NEK11: variants seen among roughly 807,000 people sequenced by gnomAD.
NEK11 encodes the protein serine/threonine-protein kinase Nek11.
A neutral mutation model predicts 80.7 loss-of-function variants in NEK11; 72 were observed. The observed-to-expected ratio is 0.89, with a 90% CI of 0.74 to 1.08. The LOEUF is 1.08. Ranked by LOEUF, NEK11 falls within the 50% of genes least tolerant of loss-of-function variation. The probability of loss-of-function intolerance (pLI) is 0.00; values close to 1 mark genes in which losing one functional copy is unlikely to be tolerated. For missense variants in NEK11, 764 were observed against 763.6 expected, an observed-to-expected ratio of 1.00 and a Z score of -0.01; for synonymous variants, 251 against 260.7, an observed-to-expected ratio of 0.96 and a Z score of 0.36.
chr3:131,325,513 C>T (rs1005727331), intron 17 of NEK11: 4 of 151,980 alleles, frequency 2.6e-5, no homozygotes, highest in Non-Finnish European at 4.4e-5. Context: ...TGTTTTATTT[C>T]TTAAACTGGG....
intron 4 of NEK11, among the ~76,000 whole-genome samples, chr3:131,083,222 T>G (rs1426240113): frequency 3.3e-5 from 5 of 152,252 alleles, no homozygotes; most frequent in Non-Finnish European, 2.9e-5. Context: ...CTGAATTACA[T>G]TCTTAGAAGG....
intron 4 of NEK11, among the ~76,000 whole-genome samples, chr3:131,108,495 T>C (rs1265572064): frequency 6.6e-6 from 1 of 152,150 alleles, no homozygotes; most frequent in Non-Finnish European, 1.5e-5. Context: ...TCAAATTATC[T>C]CTAAGTTTTC....
intron 15 of NEK11, among the ~76,000 whole-genome samples, chr3:131,238,926 T>A (rs2095478363): frequency 6.6e-6 from 1 of 152,110 alleles, no homozygotes; most frequent in Non-Finnish European, 1.5e-5. Context: ...ATAAAAATAA[T>A]GCATCATTAA....
At chr3:131,083,685 G>T (rs1382363319) in intron 4 of NEK11, among the ~76,000 whole-genome samples, 1 of 152,090 alleles carries the variant, frequency 6.6e-6, no homozygotes, top group Non-Finnish European at 1.5e-5. Context: ...TTAATTTGGG[G>T]CCTTTCAAGA....
At chr3:131,183,406 G>A (rs2093454492) in intron 14 of NEK11, among the ~76,000 whole-genome samples, 1 of 152,144 alleles carries the variant, frequency 6.6e-6, no homozygotes, top group South Asian at 2.1e-4. Context: ...AACCCCATAT[G>A]CATTAGCTAT....
chr3:131,240,353 T>C (rs905483398), intron 15 of NEK11, among the ~76,000 whole-genome samples: 2 of 152,174 alleles, frequency 1.3e-5, no homozygotes, highest in Admixed American at 6.6e-5. Context: ...CCTTTTTCAC[T>C]GGAGTTGGCT....
intron 5 of NEK11, 81 bp downstream of exon 5, chr3:131,110,002 A>G: frequency 2.8e-6 from 4 of 1,437,324 alleles, no homozygotes; most frequent in South Asian, 1.4e-5. Flanking sequence ...TTTTTTCTAT[A>G]ATTGAAAGAA....
intron 4 of NEK11, among the ~76,000 whole-genome samples, chr3:131,085,302 A>G (rs1329551723): frequency 6.6e-6 from 1 of 152,258 alleles, no homozygotes; most frequent in Non-Finnish European, 1.5e-5. Context: ...CTTGAAGTTC[A>G]CAATGGCAAT....
At chr3:131,292,953 C>A (rs1047327123) in intron 17 of NEK11, among the ~76,000 whole-genome samples, 2 of 152,164 alleles carry the variant, frequency 1.3e-5, no homozygotes, top group African/African-American at 4.8e-5. Flanking sequence ...ATCCTGCAAC[C>A]TAGCTAGAAT....
chr3:131,124,019 G>T (rs2149492842), intron 5 of NEK11, among the ~76,000 whole-genome samples: 1 of 152,276 alleles, frequency 6.6e-6, no homozygotes, highest in Non-Finnish European at 1.5e-5. Context: ...TTCTCAGTGT[G>T]TTTGGCTTTT....
rs541654290 is a variant in NEK11 at position 131,058,478 on chromosome 3, C to T, written c.171-21945C>T. 1.2e-4 allele frequency among the ~76,000 whole-genome samples: 19 copies of T among 152,130 alleles called. No individual in the cohort carries two copies. In the South Asian group the frequency reaches 1.5e-3, roughly 12 times the overall value. ...GCATTGAATCTAGTTTTAGAGAGAG[C>T]GATACCAGCCCCAGATTAGAGTTGC... is the stretch of plus-strand genomic sequence containing the variant. On this transcript the variant is annotated intron_variant, in intron 3 of 17. Coordinates refer to ENST00000383366, the MANE Select transcript of NEK11 (RefSeq NM_024800.5).
chr3:131,266,841 T>C (rs2096068847), intron 16 of NEK11, among the ~76,000 whole-genome samples: 1 of 152,230 alleles, frequency 6.6e-6, no homozygotes, highest in South Asian at 2.1e-4. Context: ...TTTGTAGGTC[T>C]CTGAGGGCTT....
At position 131,042,943 on chromosome 3, in the gene NEK11, G is replaced by A. The variant is rs199498167; in HGVS notation, c.170+13065G>A. Among the ~76,000 whole-genome samples the A allele has an allele frequency of 5.9e-4, 90 of 152,304 alleles. No individual in the cohort carries two copies. In the East Asian group the frequency reaches 0.015, roughly 26 times the overall value. On this transcript the variant is annotated intron_variant, in intron 3 of 17. Transcript: ENST00000383366. ...AGGCAGCAATCTTTGCTGTTCTGCAGCCTCTGCTGGTGATACCCAGGCAAA... is the reference window on the plus strand; with the variant it reads ...AGGCAGCAATCTTTGCTGTTCTGCAACCTCTGCTGGTGATACCCAGGCAAA...
chr3:131,189,825 T>C (rs2093726094), intron 14 of NEK11, among the ~76,000 whole-genome samples: 1 of 152,156 alleles, frequency 6.6e-6, no homozygotes, highest in Non-Finnish European at 1.5e-5. Context: ...ATTGATGTCA[T>C]AGCATTACTG....
In NEK11 at chr3:131,168,361, A is replaced by AT. The variant is rs1560756543; in HGVS notation, c.1177-466dup. Among the ~76,000 whole-genome samples the AT allele has an allele frequency of 5.9e-3, 822 of 138,400 alleles. 9 individuals are homozygous for AT. The highest frequency in any genetic ancestry group is 0.016 in the African/African-American group (607 of 37,090). 90.8% of individuals were successfully genotyped at this position (138,400 alleles called of 152,430 possible). On this transcript the variant is annotated intron_variant, in intron 12 of 17. Transcript: ENST00000383366. ...TCTTTTTTTTTTTTTATTTTTATTT[A>AT]TTTATTTTTTTTTGAGACGGAGTCT...
intron 4 of NEK11, among the ~76,000 whole-genome samples, chr3:131,087,617 G>A (rs1163073215): frequency 2.0e-5 from 3 of 152,068 alleles, no homozygotes; most frequent in South Asian, 2.1e-4. Flanking sequence ...ACTATAAAAC[G>A]GAACATTTGA....
intron 12 of NEK11, among the ~76,000 whole-genome samples, chr3:131,168,409 T>A (rs915200530): frequency 4.7e-5 from 7 of 149,852 alleles, no homozygotes; most frequent in Non-Finnish European, 8.9e-5. Flanking sequence ...CAGGCTGGAG[T>A]GCAGTGGCGG....
At chr3:131,223,947 T>A (rs1021554461) in intron 14 of NEK11, among the ~76,000 whole-genome samples, 1 of 152,110 alleles carries the variant, frequency 6.6e-6, no homozygotes, top group Non-Finnish European at 1.5e-5. Flanking sequence ...TAAACTTGAG[T>A]ATATATTTGC....
At chr3:131,168,743 T>C in intron 12 of NEK11, 87 bp from the exon 13 acceptor site, 1 of 806,348 alleles carries the variant, frequency 1.2e-6, no homozygotes. Flanking sequence ...GAATAGAAAA[T>C]GGGCCTCCTG....
Sources: allele counts gnomAD v4.1 joint callset (sites outside exome capture counted in the v4.1 genomes callset), GRCh38; gene constraint gnomAD v4.1.1; transcripts MANE v1.5; gene names NCBI Gene and HGNC (gene_info 2026-07-23, HGNC 2026-07-21).